Variants in TRIQK observed in about 807,000 individuals in gnomAD.
TRIQK encodes the protein triple QxxK/R motif containing.
Under a neutral mutation model 10.8 loss-of-function variants are expected in TRIQK, and 10 were observed. The observed-to-expected ratio is 0.92, with a 90% confidence interval of 0.57 to 1.57. The LOEUF is 1.57. Ranked by LOEUF, TRIQK falls within the 40% of genes most tolerant of loss-of-function variation. The pLI is 0.00. For synonymous variants in TRIQK, 33 were observed against 33.7 expected (o/e 0.98, Z 0.07); for missense variants, 107 against 97.7 (o/e 1.09, Z -0.40).
rs538668197 is a variant in TRIQK, at chr8:92,927,207, G to A, written c.-21-10197C>T. 5.2e-4 allele frequency among the ~76,000 whole-genome samples: 79 copies of A among 152,052 alleles called. 1 individual carries two copies. The highest frequency in any genetic ancestry group is 9.3e-4 in the Non-Finnish European group (63 of 68,008). On this transcript the variant is annotated intron_variant, in intron 2 of 4. Coordinates refer to ENST00000521988, the MANE Select transcript of TRIQK (RefSeq NM_001171797.2). ...TTCTTTCTGAGTGCTTAGCTACCTA[G>A]TGCTGACATAGGGAAGGGTAGTCTA... is the stretch of plus-strand genomic sequence containing the variant.
chr8:92,900,431 G>A (rs997485438), intron 3 of TRIQK, among the ~76,000 whole-genome samples: 2 of 152,092 alleles, frequency 1.3e-5, no homozygotes, highest in African/African-American at 4.8e-5. Flanking sequence ...GTAAAAGATA[G>A]GGTTCTAGTT....
intron 1 of TRIQK, among the ~76,000 whole-genome samples, chr8:93,003,875 T>C (rs532142702): frequency 1.3e-5 from 2 of 152,324 alleles, no homozygotes; most frequent in African/African-American, 2.4e-5. Context: ...AATAATCTCC[T>C]CTGACTGTAT....
At chr8:92,921,361 T>C (rs1045201642) in intron 2 of TRIQK, 6 of 151,792 alleles carry the variant, frequency 4.0e-5, no homozygotes, top group African/African-American at 1.4e-4. Context: ...GGCTACTCAC[T>C]AAAATACATG....
At chr8:92,970,006 A>C (rs1055938812), upstream of TRIQK, among the ~76,000 whole-genome samples, 2 of 151,956 alleles carry the variant, frequency 1.3e-5, no homozygotes, top group African/African-American at 4.8e-5. Flanking sequence ...ATGTGTTCTC[A>C]TTGTTCAGCT....
chr8:92,930,760 C>CT (rs1335996705), intron 2 of TRIQK, among the ~76,000 whole-genome samples: 1 of 152,102 alleles, frequency 6.6e-6, no homozygotes, highest in African/African-American at 2.4e-5. Context: ...AGATCACAAA[C>CT]TTTGAGTTTT....
chr8:92,997,623 C>T (rs1415142247), intron 1 of TRIQK, among the ~76,000 whole-genome samples: 1 of 152,050 alleles, frequency 6.6e-6, no homozygotes, highest in Non-Finnish European at 1.5e-5. Flanking sequence ...GTTGTAAGCT[C>T]TAGTGAGCAA....
intron 1 of TRIQK, among the ~76,000 whole-genome samples, chr8:92,999,568 G>GAAAC (rs1030175550): frequency 3.9e-5 from 6 of 152,120 alleles, no homozygotes; most frequent in South Asian, 2.1e-4. Context: ...CATCAACCAA[G>GAAAC]AAACAGTGAA....
intron 1 of TRIQK, among the ~76,000 whole-genome samples, chr8:92,956,852 G>A (rs1055813180): frequency 1.3e-5 from 2 of 151,812 alleles, no homozygotes; most frequent in South Asian, 2.1e-4. Flanking sequence ...TTTTGAAAAT[G>A]CAAGTGATGG....
intron 2 of TRIQK, among the ~76,000 whole-genome samples, chr8:92,921,151 AG>A (rs985234272): frequency 5.3e-5 from 8 of 151,632 alleles, no homozygotes; most frequent in African/African-American, 1.5e-4. Context: ...ATTATTTCTT[AG>A]GGGTTTTGTG....
At chr8:92,991,028 C>T (rs1437895455) in intron 1 of TRIQK, among the ~76,000 whole-genome samples, 1 of 152,192 alleles carries the variant, frequency 6.6e-6, no homozygotes, top group Non-Finnish European at 1.5e-5. Flanking sequence ...TCCAGCACAG[C>T]AGTCTGAAGT....
chr8:92,964,439 A>T (rs1812623747), intron 1 of TRIQK, among the ~76,000 whole-genome samples: 1 of 146,056 alleles, frequency 6.8e-6, no homozygotes, highest in Admixed American at 6.9e-5. Flanking sequence ...AATGTTTCCC[A>T]ATCTTTTCAG....
At chr8:92,992,904 C>T (rs1813112182) in intron 1 of TRIQK, among the ~76,000 whole-genome samples, 1 of 152,206 alleles carries the variant, frequency 6.6e-6, no homozygotes, top group Non-Finnish European at 1.5e-5. Flanking sequence ...CAAACTAGCT[C>T]AACTTATGAA....
At chr8:92,965,038 G>C (rs1271169239) in intron 1 of TRIQK, 2 of 152,126 alleles carry the variant, frequency 1.3e-5, no homozygotes, top group Non-Finnish European at 2.9e-5. Flanking sequence ...TTAGGAGACA[G>C]AGTATATGAG....
chr8:92,890,439 GA>G (rs1816703301), intron 4 of TRIQK, among the ~76,000 whole-genome samples: 1 of 151,640 alleles, frequency 6.6e-6, no homozygotes, highest in Non-Finnish European at 1.5e-5. Flanking sequence ...TAAAATCTAA[GA>G]AAAATGTTTT....
At chr8:92,930,196 G>T (rs917946893) in intron 2 of TRIQK, among the ~76,000 whole-genome samples, 2 of 150,938 alleles carry the variant, frequency 1.3e-5, no homozygotes, top group Non-Finnish European at 3.0e-5. Context: ...TGGCTAACAT[G>T]GTGAAACACC....
intron 2 of TRIQK, among the ~76,000 whole-genome samples, chr8:92,945,522 T>C (rs1289417894): frequency 1.3e-5 from 2 of 152,178 alleles, no homozygotes; most frequent in Admixed American, 1.3e-4. Context: ...ATAAATTATT[T>C]TTCTTCCTCA....
intron 1 of TRIQK, among the ~76,000 whole-genome samples, chr8:92,972,411 G>A (rs1394536633): frequency 1.3e-5 from 2 of 151,716 alleles, no homozygotes; most frequent in African/African-American, 4.9e-5. Flanking sequence ...TGGTTCTTTA[G>A]CTATATTCTT....
At chr8:92,994,147 C>T (rs1311745266) in intron 1 of TRIQK, among the ~76,000 whole-genome samples, 3 of 152,114 alleles carry the variant, frequency 2.0e-5, no homozygotes, top group Admixed American at 1.3e-4. Flanking sequence ...AAATTTAGTG[C>T]ACTATCTTCT....
chr8:92,995,096 G>A (rs190060149), intron 1 of TRIQK, among the ~76,000 whole-genome samples: 1 of 152,020 alleles, frequency 6.6e-6, no homozygotes, highest in East Asian at 1.9e-4. Flanking sequence ...TTTGTTAGGG[G>A]AGAGTTTTTC....
Sources: gnomAD v4.1 joint callset for allele counts (sites outside exome capture counted in the v4.1 genomes callset) on GRCh38, gnomAD v4.1.1 for gene constraint, MANE v1.5 for transcripts, NCBI Gene and HGNC (gene_info 2026-07-23, HGNC 2026-07-21) for gene names.